Variants in NCR1 observed in about 807,000 individuals in gnomAD.
NCR1 encodes natural cytotoxicity triggering receptor 1, also known as NK cell-activating receptor.
Under a neutral mutation model 32.5 loss-of-function variants are expected in NCR1, and 30 were observed. The ratio of observed to expected loss-of-function variants is 0.92; its 90% confidence interval spans 0.69 to 1.25. NCR1 has a LOEUF of 1.25. Ranked by LOEUF, NCR1 falls within the 50% of genes most tolerant of loss-of-function variation. The pLI is 0.00. For synonymous variants in NCR1, 169 were observed against 143.4 expected, an observed-to-expected ratio of 1.18 and a Z score of -1.28; for missense variants, 369 against 380.7, an observed-to-expected ratio of 0.97 and a Z score of 0.26.
chr19:54,917,549 G>C (rs553686800), downstream of NCR1, among the ~76,000 whole-genome samples: 1 of 152,072 alleles, frequency 6.6e-6, no homozygotes, highest in Admixed American at 6.5e-5. Context: ...TTGAACTCCC[G>C]ACCTCATGTG....
chr19:54,926,728 C>T, the NCR1 span, among the ~76,000 whole-genome samples: 2 of 152,028 alleles, frequency 1.3e-5, no homozygotes, highest in Non-Finnish European at 2.9e-5. Context: ...CCAGCCTGGC[C>T]AACATGGCAA....
intron 3 of NCR1, among the ~76,000 whole-genome samples, chr19:54,907,278 C>T (rs1258512859): frequency 1.3e-5 from 2 of 151,214 alleles, no homozygotes; most frequent in African/African-American, 4.9e-5. Context: ...GCCTCAGCTT[C>T]CCAAGTAGCT....
the NCR1 span, among the ~76,000 whole-genome samples, chr19:54,937,571 G>A: frequency 1.3e-5 from 2 of 150,984 alleles, no homozygotes; most frequent in Non-Finnish European, 2.9e-5. Context: ...GCGCCTAGGT[G>A]ACAGAGTGAA....
chr19:54,912,905 A>G lies in NCR1; in HGVS notation c.*34A>G, dbSNP rs1203218050. The G allele has an allele frequency of 1.9e-6, 3 of 1,600,246 alleles. No individual in the cohort carries two copies. Among genetic ancestry groups the G allele is most frequent in the Non-Finnish European group, 2.6e-6 (3 of 1,171,390 alleles). ...CATGAGACACAGTGGCCATGGGTGGATCTGAAAGCTGGTGTTGAGCCTGGG... is the reference window on the plus strand; with the variant it reads ...CATGAGACACAGTGGCCATGGGTGGGTCTGAAAGCTGGTGTTGAGCCTGGG... On this transcript the variant is annotated 3_prime_UTR_variant, in exon 7 of 7. Transcript: ENST00000291890.
upstream of NCR1, among the ~76,000 whole-genome samples, chr19:54,905,709 CCT>C (rs1460442080): frequency 6.6e-6 from 1 of 152,150 alleles, no homozygotes; most frequent in Non-Finnish European, 1.5e-5. Flanking sequence ...AAGGACTCCA[CCT>C]CTTTCTCTTC....
rs1259924492 is a variant in NCR1 at position 54,906,683 on chromosome 19, G to C, written c.231G>C (p.Arg77=). The change falls in exon 3 of 7, where the codon CGG becomes CGC. Residue 77 remains arginine, a synonymous_variant. Coordinates refer to ENST00000291890, the MANE Select transcript of NCR1 (RefSeq NM_004829.7). ...TGGACAGACCAAAACCCCCTGAGCG[G>C]ATTAACAAAGTCCAATTCTACATCC... The part of the protein sequence containing the change: ...FAVDRPKPPE[R]INKVQFYIPD... The C allele has an allele frequency of 1.9e-6, 3 of 1,614,206 alleles. No individual in the cohort carries two copies. Among genetic ancestry groups the C allele is most frequent in the Non-Finnish European group, 2.5e-6 (3 of 1,180,044 alleles).
chr19:54,929,578 G>A, the NCR1 span, among the ~76,000 whole-genome samples: 1 of 152,068 alleles, frequency 6.6e-6, no homozygotes, highest in African/African-American at 2.4e-5. Context: ...TTTTCTGGGG[G>A]TGGTATCCCA....
downstream of NCR1, among the ~76,000 whole-genome samples, chr19:54,914,796 G>T (rs185575912): frequency 5.8e-4 from 87 of 150,690 alleles, no homozygotes; most frequent in African/African-American, 1.9e-3. Context: ...CTGGCGTGCA[G>T]TGGCACAATC....
At chr19:54,927,868 G>T in the NCR1 span, 1 of 1,082,658 alleles carries the variant, frequency 9.2e-7, no homozygotes, top group Non-Finnish European at 1.4e-6. Flanking sequence ...AAGGCGGGTG[G>T]ATCACTTGAG....
At chr19:54,908,515 C>T (rs1421115218) in intron 3 of NCR1, among the ~76,000 whole-genome samples, 5 of 152,266 alleles carry the variant, frequency 3.3e-5, no homozygotes, top group African/African-American at 4.8e-5. Context: ...ACCTCCCAGA[C>T]GGGGTGGCGG....
At chr19:54,936,361 T>C in the NCR1 span, 4 of 1,614,056 alleles carry the variant, frequency 2.5e-6, no homozygotes. Flanking sequence ...GTCAGGTGCG[T>C]GAGGGTCTTC....
chr19:54,911,182 T>TA (rs920023505), intron 5 of NCR1, among the ~76,000 whole-genome samples: 304 of 149,432 alleles, frequency 2.0e-3, no homozygotes, highest in African/African-American at 6.8e-3. Flanking sequence ...CTGTCTCTAC[T>TA]AAAAAAAAAT....
the NCR1 span, among the ~76,000 whole-genome samples, chr19:54,937,675 A>T: frequency 1.3e-5 from 2 of 152,120 alleles, no homozygotes; most frequent in African/African-American, 4.8e-5. Context: ...AGGCAGGCAA[A>T]TCACCTGAGG....
the NCR1 span, among the ~76,000 whole-genome samples, chr19:54,928,381 G>A: frequency 6.6e-6 from 1 of 152,136 alleles, no homozygotes. Context: ...GTGAAAGAGT[G>A]AGACTTGGTC....
chr19:54,923,646 G>C, the NCR1 span: 8 of 1,376,710 alleles, frequency 5.8e-6, no homozygotes, highest in Non-Finnish European at 8.2e-6. Context: ...ACAGACTCTA[G>C]TGTTAACATG....
At chr19:54,913,716 G>A (rs944218065), downstream of NCR1, among the ~76,000 whole-genome samples, 9 of 152,038 alleles carry the variant, frequency 5.9e-5, no homozygotes, top group East Asian at 1.9e-4. Context: ...CAGATCACCT[G>A]AGGTCAGGAG....
chr19:54,903,456 A>G (rs932242187), upstream of NCR1, among the ~76,000 whole-genome samples: 6 of 122,978 alleles, frequency 4.9e-5, no homozygotes, highest in East Asian at 3.6e-4. Flanking sequence ...GTATATACAT[A>G]TATGTATGTA....
the NCR1 span, among the ~76,000 whole-genome samples, chr19:54,922,243 G>A: frequency 6.6e-6 from 1 of 152,190 alleles, no homozygotes; most frequent in Non-Finnish European, 1.5e-5. Context: ...AGAGCCAAGT[G>A]AGGAGAGGGG....
At position 54,913,033 on chromosome 19, in the gene NCR1, G is replaced by T; in HGVS notation, c.*162G>T. The T allele has an allele frequency of 1.7e-6, 1 of 594,494 alleles. No homozygotes were observed. The highest frequency in any genetic ancestry group is 2.8e-5 in the South Asian group (1 of 35,210). The allele number at this position is 594,494 out of a possible 1,614,324, so 36.8% of individuals were successfully genotyped here. On this transcript the variant is annotated 3_prime_UTR_variant, in exon 7 of 7. Transcript: ENST00000291890. ...GAGCATCCCGGACGATGCAGAGGGTGGGAGAACTACATGCTAAATTTCTTT... is the reference window on the plus strand; with the variant it reads ...GAGCATCCCGGACGATGCAGAGGGTTGGAGAACTACATGCTAAATTTCTTT...
Sources: allele counts gnomAD v4.1 joint callset (sites outside exome capture counted in the v4.1 genomes callset), GRCh38; gene constraint gnomAD v4.1.1; transcripts MANE v1.5; gene names NCBI Gene and HGNC (gene_info 2026-07-23, HGNC 2026-07-21).